ADAMTS18: variants seen among roughly 807,000 people sequenced by gnomAD.
ADAMTS18 encodes the protein ADAM metallopeptidase with thrombospondin type 1 motif 18.
In ADAMTS18, 157 loss-of-function variants were observed where a neutral mutation model predicts 165.9. The ratio of observed to expected loss-of-function variants is 0.95; its 90% CI spans 0.83 to 1.08. ADAMTS18 has a LOEUF of 1.08. Ranked by LOEUF, ADAMTS18 falls within the 50% of genes least tolerant of loss-of-function variation. The probability of loss-of-function intolerance (pLI) is 0.00; values close to 1 mark genes in which losing one functional copy is unlikely to be tolerated. For synonymous variants in ADAMTS18, 782 were observed against 578.2 expected, an observed-to-expected ratio of 1.35 and a Z score of -5.06; for missense variants, 2,040 against 1,534.0, an observed-to-expected ratio of 1.33 and a Z score of -5.51.
At chr16:77,337,632 T>C (rs2056330351) in intron 11 of ADAMTS18, among the ~76,000 whole-genome samples, 1 of 152,194 alleles carries the variant, frequency 6.6e-6, no homozygotes, top group African/African-American at 2.4e-5. Flanking sequence ...TGTACCTTAA[T>C]TCTAATCTAA....
intron 4 of ADAMTS18, among the ~76,000 whole-genome samples, chr16:77,366,152 T>C (rs1418962642): frequency 1.6e-5 from 2 of 125,662 alleles, no homozygotes; most frequent in Admixed American, 1.7e-4. Flanking sequence ...CTCTTCTCCA[T>C]GAGAATAAAC....
intron 3 of ADAMTS18, among the ~76,000 whole-genome samples, chr16:77,391,446 C>G (rs1267148539): frequency 6.6e-6 from 1 of 150,540 alleles, no homozygotes; most frequent in Non-Finnish European, 1.5e-5. Context: ...AAGTCGAGAT[C>G]ACACCACTGC....
At chr16:77,334,388 T>C (rs1489715456) in intron 12 of ADAMTS18, among the ~76,000 whole-genome samples, 28 of 112,374 alleles carry the variant, frequency 2.5e-4, no homozygotes, top group Non-Finnish European at 4.1e-4. Flanking sequence ...ATATATATTA[T>C]ATATATACTG....
Position 77,322,272 on chromosome 16 carries a change from G to A in ADAMTS18, c.2163+64C>T, listed in dbSNP as rs762126158. On this transcript the variant is annotated intron_variant, in intron 14 of 22. Transcript: ENST00000282849. Reference sequence around the variant, plus strand: ...CACAATCTCTCACACCACTGTTCACGGTACACACGATATGATAAAACACAA... The same window carrying A: ...CACAATCTCTCACACCACTGTTCACAGTACACACGATATGATAAAACACAA... The A allele has an allele frequency of 8.4e-5, 134 of 1,591,096 alleles. 1 individual carries two copies. The highest frequency in any genetic ancestry group is 1.1e-4 in the Non-Finnish European group (128 of 1,162,184).
At chr16:77,328,426 T>G in intron 12 of ADAMTS18, among the ~76,000 whole-genome samples, 1 of 152,058 alleles carries the variant, frequency 6.6e-6, no homozygotes, top group East Asian at 1.9e-4. Flanking sequence ...AGCCCTGGAG[T>G]TGCTTCAGCG....
At chr16:77,387,890 T>G (rs547826914) in intron 3 of ADAMTS18, among the ~76,000 whole-genome samples, 2 of 152,174 alleles carry the variant, frequency 1.3e-5, no homozygotes, top group South Asian at 2.1e-4. Flanking sequence ...GACTCATCCA[T>G]GAAGCTGGAA....
chr16:77,366,264 T>C (rs2056792317), intron 4 of ADAMTS18, among the ~76,000 whole-genome samples: 2 of 152,300 alleles, frequency 1.3e-5, no homozygotes, highest in South Asian at 4.1e-4. Flanking sequence ...GATTCAGCTA[T>C]TGAAAATCTT....
chr16:77,316,694 G>C (rs1313209695), intron 16 of ADAMTS18, among the ~76,000 whole-genome samples: 1 of 151,724 alleles, frequency 6.6e-6, no homozygotes, highest in Non-Finnish European at 1.5e-5. Flanking sequence ...TATTTGGAGA[G>C]AGTCTCACTC....
chr16:77,395,741 G>T (rs574495665), intron 3 of ADAMTS18, among the ~76,000 whole-genome samples: 2 of 151,632 alleles, frequency 1.3e-5, no homozygotes, highest in South Asian at 4.2e-4. Flanking sequence ...TGACACTAAG[G>T]ATTTAAAAAA....
intron 3 of ADAMTS18, among the ~76,000 whole-genome samples, chr16:77,415,581 G>A (rs949304702): frequency 2.6e-5 from 4 of 152,052 alleles, no homozygotes; most frequent in African/African-American, 7.2e-5. Flanking sequence ...CTAGGTCAAC[G>A]ATATCTGATG....
At position 77,342,861 on chromosome 16, in the gene ADAMTS18, A is replaced by C. The variant is rs537250907; in HGVS notation, c.1615-1062T>G. ...TCCAGGTGGGCCTAACATAGTCACA[A>C]GAGTCCTTATATGGGAAAGAGGAGC... On this transcript the variant is annotated intron_variant, in intron 10 of 22. Coordinates refer to ENST00000282849, the MANE Select transcript of ADAMTS18 (RefSeq NM_199355.4). Among the ~76,000 whole-genome samples the C allele has an allele frequency of 1.5e-3, 233 of 152,284 alleles. 1 individual carries two copies. Among genetic ancestry groups the C allele is most frequent in the Middle Eastern group, 3.4e-3 (1 of 294 alleles).
chr16:77,302,548 T>C (rs1055275603), intron 16 of ADAMTS18, among the ~76,000 whole-genome samples: 1 of 152,176 alleles, frequency 6.6e-6, no homozygotes, highest in Non-Finnish European at 1.5e-5. Flanking sequence ...ATAAATGCTA[T>C]ACAGAAAGAA....
At chr16:77,361,563 C>A (rs904335155) in intron 7 of ADAMTS18, among the ~76,000 whole-genome samples, 8 of 152,142 alleles carry the variant, frequency 5.3e-5, no homozygotes, top group Admixed American at 3.3e-4. Context: ...GTATCTCACA[C>A]CTCAATGATC....
intron 12 of ADAMTS18, among the ~76,000 whole-genome samples, chr16:77,333,504 A>C (rs182443125): frequency 0.01 from 1,581 of 151,520 alleles, 30 homozygotes; most frequent in African/African-American, 0.036. Flanking sequence ...AAAAAAAAAA[A>C]ATAAAACAGT....
intron 3 of ADAMTS18, among the ~76,000 whole-genome samples, chr16:77,381,197 TTTA>T (rs1567528190): frequency 6.6e-6 from 1 of 151,912 alleles, no homozygotes. Context: ...TGATGGGTAC[TTTA>T]TTAACACTTC....
intron 16 of ADAMTS18, among the ~76,000 whole-genome samples, chr16:77,313,232 GGAATT>G (rs2055816637): frequency 2.0e-5 from 3 of 151,984 alleles, no homozygotes; most frequent in African/African-American, 7.3e-5. Flanking sequence ...CTCATAGGTG[GGAATT>G]GAACAATGAG....
chr16:77,386,191 T>G (rs2057104947), intron 3 of ADAMTS18, among the ~76,000 whole-genome samples: 1 of 152,168 alleles, frequency 6.6e-6, no homozygotes, highest in Non-Finnish European at 1.5e-5. Context: ...CACTCAGCAG[T>G]AAAAGTGTTT....
chr16:77,363,887 T>C lies in ADAMTS18; in HGVS notation c.973-2A>G. On this transcript the variant is annotated splice_acceptor_variant, in intron 5 of 22. Coordinates refer to ENST00000282849, the MANE Select transcript of ADAMTS18 (RefSeq NM_199355.4). LOFTEE classifies it high-confidence loss of function. ...CCCATCTTTAAATAGGCCAGAAACC[T>C]GTTGGAACAATGGAAATCAAACAAA... 6.2e-7 allele frequency: 1 copy of C among 1,613,874 alleles called. No individual in the cohort carries two copies. The highest frequency in any genetic ancestry group is 8.5e-7 in the Non-Finnish European group (1 of 1,179,866).
chr16:77,426,986 C>G (rs1057197898), intron 3 of ADAMTS18, among the ~76,000 whole-genome samples: 1 of 152,072 alleles, frequency 6.6e-6, no homozygotes, highest in Non-Finnish European at 1.5e-5. Context: ...TGTACTCAAG[C>G]CCAGATGACA....
Sources: allele counts gnomAD v4.1 joint callset (sites outside exome capture counted in the v4.1 genomes callset), GRCh38; gene constraint gnomAD v4.1.1; transcripts MANE v1.5; gene names NCBI Gene and HGNC (gene_info 2026-07-23, HGNC 2026-07-21).